DOCK2: variants seen among roughly 807,000 people sequenced by gnomAD.
DOCK2 encodes dedicator of cytokinesis 2.
DOCK2 carries 87 observed loss-of-function variants against 248.9 expected under a neutral mutation model. That is an observed-to-expected ratio of 0.35 (90% confidence interval 0.29 to 0.42). The LOEUF (loss-of-function observed/expected upper bound fraction) is 0.42, where lower values mean the gene tolerates loss of function less well. DOCK2 is among the 10% of genes least tolerant of loss of function. The pLI is 1.00. For missense variants in DOCK2, 1,747 were observed against 2,300.2 expected, an observed-to-expected ratio of 0.76 and a Z score of 4.92; for synonymous variants, 805 against 821.6, an observed-to-expected ratio of 0.98 and a Z score of 0.35.
rs192030579 is a variant in DOCK2, at chr5:170,021,065, A to T, written c.3381+1957A>T. On this transcript the variant is annotated intron_variant, in intron 33 of 51. Transcript: ENST00000520908. ...AATAAGAGACTAGTTTGCTATGATG[A>T]TATCACTGTGAGAGGTAGCATTATA... 2.0e-5 allele frequency among the ~76,000 whole-genome samples: 3 copies of T among 152,366 alleles called. No individual in the cohort carries two copies. The East Asian group carries it at 5.8e-4, about 29-fold the overall frequency.
intron 26 of DOCK2, among the ~76,000 whole-genome samples, chr5:169,825,249 A>T (rs1319812895): frequency 6.6e-6 from 1 of 152,302 alleles, no homozygotes; most frequent in Non-Finnish European, 1.5e-5. Context: ...ATACCATTTG[A>T]CCCAGCCATC....
chr5:169,777,868 A>C (rs1765471208), intron 25 of DOCK2, among the ~76,000 whole-genome samples: 1 of 152,214 alleles, frequency 6.6e-6, no homozygotes. Flanking sequence ...TAGAAGGTAC[A>C]ACTGGAAGTC....
chr5:169,754,677 G>A (rs1764095349), intron 23 of DOCK2, among the ~76,000 whole-genome samples: 1 of 152,172 alleles, frequency 6.6e-6, no homozygotes, highest in Admixed American at 6.5e-5. Context: ...CAGCATGACA[G>A]GCAGTAGTGG....
At chr5:169,851,146 A>G (rs1455200265) in intron 27 of DOCK2, among the ~76,000 whole-genome samples, 1 of 152,218 alleles carries the variant, frequency 6.6e-6, no homozygotes, top group African/African-American at 2.4e-5. Context: ...TATGGCAGTA[A>G]ATTAATGGAA....
In DOCK2 at chr5:170,081,913, T is replaced by G. The variant is rs759339291; in HGVS notation, c.5359T>G (p.Phe1787Val). 4.3e-6 allele frequency: 7 copies of G among 1,613,926 alleles called. No homozygotes were observed. The highest frequency in any genetic ancestry group is 2.7e-5 in the African/African-American group (2 of 74,860). ...CACATCTCCCCGCCTCAGCCAGACC[T>G]TCCTCCAACTCTCAGATGGTGACAA... ...ANTSPRLSQT[F>V]LQLSDGDKKT... The change falls in exon 51 of 52, where the codon TTC (phenylalanine) becomes GTC (valine). Residue 1787 changes from phenylalanine to valine, a missense_variant. Coordinates refer to ENST00000520908, the MANE Select transcript of DOCK2 (RefSeq NM_004946.3).
chr5:169,972,542 CAGATAGATAGATAGATAGATAGAT>C (rs143089504), intron 27 of DOCK2, among the ~76,000 whole-genome samples: 1 of 141,330 alleles, frequency 7.1e-6, no homozygotes, highest in Non-Finnish European at 1.5e-5. Flanking sequence ...CACTGTGAGA[CAGATAGATAGATAGATAGATAGAT>C]AGATAGATAG....
intron 5 of DOCK2, 75 bp from the exon 6 acceptor site, chr5:169,674,222 C>G (rs1235415629): frequency 1.3e-6 from 2 of 1,565,448 alleles, no homozygotes; most frequent in Non-Finnish European, 8.7e-7. Context: ...ACTCACCTGA[C>G]TTTGGCACAG....
At chr5:170,006,596 G>T (rs561429595) in intron 30 of DOCK2, among the ~76,000 whole-genome samples, 1 of 152,174 alleles carries the variant, frequency 6.6e-6, no homozygotes, top group Non-Finnish European at 1.5e-5. Flanking sequence ...CTTTAAGGGG[G>T]CCATGAGCCA....
At chr5:170,009,382 C>T (rs1002882772) in intron 32 of DOCK2, among the ~76,000 whole-genome samples, 1 of 152,080 alleles carries the variant, frequency 6.6e-6, no homozygotes, top group Non-Finnish European at 1.5e-5. Flanking sequence ...TTTTACTGAT[C>T]AGGAAACTCA....
At chr5:169,864,357 G>T in intron 27 of DOCK2, 2 of 1,551,520 alleles carry the variant, frequency 1.3e-6, no homozygotes, top group Middle Eastern at 1.7e-4. Context: ...GTTCTGCTGG[G>T]GACTTTGGTG....
intron 50 of DOCK2, chr5:170,081,007 G>T (rs35672222): frequency 0.17 from 25,808 of 152,576 alleles, 2,746 homozygotes; most frequent in Non-Finnish European, 0.23. Flanking sequence ...AACATTGAGG[G>T]TGCCAGGCCC....
intron 26 of DOCK2, among the ~76,000 whole-genome samples, chr5:169,832,455 C>T (rs980429877): frequency 6.6e-6 from 1 of 152,206 alleles, no homozygotes; most frequent in East Asian, 1.9e-4. Context: ...AGAGCAGTGC[C>T]ACCCACCCTG....
chr5:169,818,715 T>C lies in DOCK2; in HGVS notation c.2703+15509T>C, dbSNP rs140404229. On this transcript the variant is annotated intron_variant, in intron 26 of 51. Transcript: ENST00000520908. Reference sequence around the variant, plus strand: ...GCAGCTTTTGGGAAGTGTTGGGTTCTATTTCCAGCTCTAATTCTAACAGAC... The same window carrying C: ...GCAGCTTTTGGGAAGTGTTGGGTTCCATTTCCAGCTCTAATTCTAACAGAC... Among the ~76,000 whole-genome samples the C allele has an allele frequency of 4.6e-5, 7 of 152,340 alleles. No individual in the cohort carries two copies. The East Asian group carries it at 1.3e-3, about 29-fold the overall frequency.
chr5:169,985,081 A>T (rs527565295), intron 28 of DOCK2, among the ~76,000 whole-genome samples: 27 of 152,084 alleles, frequency 1.8e-4, no homozygotes, highest in African/African-American at 6.3e-4. Flanking sequence ...CACCCAGATA[A>T]TTTTTGTATT....
chr5:169,687,065 A>G (rs1369412337), intron 8 of DOCK2, among the ~76,000 whole-genome samples: 2 of 152,052 alleles, frequency 1.3e-5, no homozygotes, highest in Admixed American at 1.3e-4. Flanking sequence ...TTCCTTATTT[A>G]TGATTGTGCT....
At position 169,841,921 on chromosome 5, in the gene DOCK2, G is replaced by A. The variant is rs112712380; in HGVS notation, c.2799+1069G>A. Among the ~76,000 whole-genome samples the A allele has an allele frequency of 6.5e-3, 991 of 152,258 alleles. 11 individuals are homozygous for A. The highest frequency in any genetic ancestry group is 0.022 in the African/African-American group (924 of 41,542). On this transcript the variant is annotated intron_variant, in intron 27 of 51. Transcript: ENST00000520908. The stretch of plus-strand genomic sequence containing the variant: ...GTATAACAGCACTTGGCATATAGCA[G>A]GTGCTCAGTAAATACGTTTGAATGA...
At chr5:169,903,733 G>A (rs1434143381) in intron 27 of DOCK2, among the ~76,000 whole-genome samples, 4 of 152,128 alleles carry the variant, frequency 2.6e-5, no homozygotes, top group African/African-American at 9.7e-5. Context: ...GGAGAAAGGT[G>A]GGTGAGAGCT....
chr5:169,752,766 A>AAAAT (rs1368199894), intron 23 of DOCK2, among the ~76,000 whole-genome samples: 3 of 151,386 alleles, frequency 2.0e-5, no homozygotes, highest in Non-Finnish European at 4.4e-5. Context: ...CCTGTCTCTT[A>AAAAT]AAATAAATAA....
rs768197840 is a variant in DOCK2, at chr5:170,042,050, C to T, written c.3794C>T (p.Thr1265Ile). 4.0e-5 allele frequency: 64 copies of T among 1,613,634 alleles called. No homozygotes were observed. Among genetic ancestry groups the T allele is most frequent in the Non-Finnish European group, 5.4e-5 (64 of 1,179,832 alleles). ...CAGTGTGCATCACAGGTCATGCAGA[C>T]AGGCCAGCAGCACCCCCAGACACAC... The part of the protein sequence containing the change: ...DEQCASQVMQ[T>I]GQQHPQTHRQ... The change falls in exon 38 of 52, where the codon ACA becomes ATA. Residue 1265 changes from threonine to isoleucine, a missense_variant. Thr to Ile is a moderately conservative substitution (Grantham distance 89). This residue lies in a region of DOCK2 where 858 missense variants were observed against 1,183.5 expected (regional missense o/e 0.72). Coordinates refer to ENST00000520908, the MANE Select transcript of DOCK2 (RefSeq NM_004946.3).
Sources: gnomAD v4.1 joint callset for allele counts (sites outside exome capture counted in the v4.1 genomes callset) on GRCh38, gnomAD v4.1.1 for gene constraint, gnomAD v4.1.1 regional missense constraint, MANE v1.5 for transcripts, NCBI Gene and HGNC (gene_info 2026-07-23, HGNC 2026-07-21) for gene names.